SLC22A3: variants seen among roughly 807,000 people sequenced by gnomAD.
SLC22A3 encodes EMT organic cation transporter 3.
Under a neutral mutation model 59.1 loss-of-function variants are expected in SLC22A3, and 51 were observed. The ratio of observed to expected loss-of-function variants is 0.86; its 90% confidence interval spans 0.69 to 1.09. The LOEUF is 1.09. SLC22A3 is among the 50% of genes least tolerant of loss of function. SLC22A3 has a pLI of 0.00. For missense variants in SLC22A3, 711 were observed against 726.3 expected (o/e 0.98, Z 0.24); for synonymous variants, 325 against 292.0 (o/e 1.11, Z -1.15).
At chr6:160,356,559 AG>A (rs1784848272) in intron 1 of SLC22A3, among the ~76,000 whole-genome samples, 1 of 152,198 alleles carries the variant, frequency 6.6e-6, no homozygotes, top group African/African-American at 2.4e-5. Context: ...CGGTGCAGGG[AG>A]GAGCACTGAA....
chr6:160,408,688 A>G (rs1787118783), intron 3 of SLC22A3, 65 bp from the exon 4 acceptor site: 2 of 1,505,134 alleles, frequency 1.3e-6, no homozygotes, highest in Middle Eastern at 3.5e-4. Context: ...ACATCTCTGT[A>G]TTTGTTTGTT....
chr6:160,393,122 A>G (rs535298678), intron 1 of SLC22A3, among the ~76,000 whole-genome samples: 17 of 152,110 alleles, frequency 1.1e-4, no homozygotes, highest in African/African-American at 4.1e-4. Flanking sequence ...AAATACTGTG[A>G]TATCGTCTAA....
chr6:160,366,660 G>C (rs1420565495), intron 1 of SLC22A3, among the ~76,000 whole-genome samples: 1 of 152,150 alleles, frequency 6.6e-6, no homozygotes, highest in Non-Finnish European at 1.5e-5. Context: ...CATGAGGGCT[G>C]TGCCCCACAA....
chr6:160,381,012 C>T (rs924033402), intron 1 of SLC22A3, among the ~76,000 whole-genome samples: 3 of 151,930 alleles, frequency 2.0e-5, no homozygotes, highest in Non-Finnish European at 4.4e-5. Flanking sequence ...CCAGTGCAGC[C>T]GAGAAGGTGA....
At chr6:160,430,140 T>C (rs757624860) in intron 5 of SLC22A3, among the ~76,000 whole-genome samples, 4 of 151,998 alleles carry the variant, frequency 2.6e-5, no homozygotes, top group Non-Finnish European at 5.9e-5. Flanking sequence ...TGTATCTATA[T>C]AGACAGATGG....
chr6:160,401,313 G>T (rs1786771834), intron 2 of SLC22A3, among the ~76,000 whole-genome samples: 1 of 151,784 alleles, frequency 6.6e-6, no homozygotes, highest in African/African-American at 2.4e-5. Flanking sequence ...AGAGTGGGGG[G>T]ATAATGTCTT....
chr6:160,421,885 G>T (rs1271967000), intron 5 of SLC22A3, among the ~76,000 whole-genome samples: 4 of 152,200 alleles, frequency 2.6e-5, no homozygotes, highest in African/African-American at 9.7e-5. Context: ...TTGCTCCTTT[G>T]CCATTTGGTC....
At chr6:160,439,850 C>T (rs1427943886) in intron 7 of SLC22A3, among the ~76,000 whole-genome samples, 2 of 152,186 alleles carry the variant, frequency 1.3e-5, no homozygotes, top group Non-Finnish European at 2.9e-5. Context: ...ACAGACGATC[C>T]TCCCTTGAGT....
intron 5 of SLC22A3, among the ~76,000 whole-genome samples, chr6:160,429,809 T>C (rs980288581): frequency 2.6e-5 from 4 of 151,644 alleles, no homozygotes; most frequent in Non-Finnish European, 5.9e-5. Flanking sequence ...ATACATCTGG[T>C]ATACTTAAGA....
chr6:160,386,502 A>G (rs1007711192), intron 1 of SLC22A3, among the ~76,000 whole-genome samples: 2 of 152,202 alleles, frequency 1.3e-5, no homozygotes, highest in Non-Finnish European at 2.9e-5. Flanking sequence ...CATAGCCTGG[A>G]TTTCTCAGAA....
At chr6:160,363,102 C>T (rs566336723) in intron 1 of SLC22A3, among the ~76,000 whole-genome samples, 1 of 152,182 alleles carries the variant, frequency 6.6e-6, no homozygotes, top group Non-Finnish European at 1.5e-5. Flanking sequence ...ACAGTGTTGC[C>T]GAGGGGCAGA....
At chr6:160,386,757 G>A (rs761878909) in intron 1 of SLC22A3, among the ~76,000 whole-genome samples, 5 of 152,216 alleles carry the variant, frequency 3.3e-5, no homozygotes, top group Non-Finnish European at 7.3e-5. Flanking sequence ...CGGCAGGCAT[G>A]CACAGCACTT....
chr6:160,419,399 C>A (rs1048477620), intron 5 of SLC22A3, among the ~76,000 whole-genome samples: 1 of 152,138 alleles, frequency 6.6e-6, no homozygotes, highest in Non-Finnish European at 1.5e-5. Flanking sequence ...TGGAGCCCAT[C>A]GGGGATGGTG....
chr6:160,354,344 T>C (rs1349195717), intron 1 of SLC22A3, among the ~76,000 whole-genome samples: 2 of 152,226 alleles, frequency 1.3e-5, no homozygotes, highest in Admixed American at 6.5e-5. Context: ...GCAATTGGCT[T>C]GACATATGCT....
At chr6:160,443,562 A>C in intron 8 of SLC22A3, 68 bp from the exon 9 acceptor site, 1 of 1,054,624 alleles carries the variant, frequency 9.5e-7, no homozygotes, top group Non-Finnish European at 1.5e-6. Context: ...AATATGTCTG[A>C]ATATGTTGAT....
At chr6:160,431,567 ATT>A (rs368098183) in intron 5 of SLC22A3, among the ~76,000 whole-genome samples, 1 of 149,094 alleles carries the variant, frequency 6.7e-6, no homozygotes, top group African/African-American at 2.5e-5. Context: ...AACACCTCGT[ATT>A]TTTTTTTTGG....
intron 1 of SLC22A3, among the ~76,000 whole-genome samples, chr6:160,349,714 G>C (rs1046752801): frequency 6.6e-6 from 1 of 152,186 alleles, no homozygotes; most frequent in Non-Finnish European, 1.5e-5. Flanking sequence ...GTGAGGTCCA[G>C]ATATAGAGCA....
intron 5 of SLC22A3, among the ~76,000 whole-genome samples, chr6:160,420,437 A>G (rs1236474893): frequency 6.6e-6 from 1 of 152,226 alleles, no homozygotes; most frequent in Non-Finnish European, 1.5e-5. Flanking sequence ...CTGCTGTACA[A>G]GTTAGGGCTT....
chr6:160,400,904 C>T (rs1786747456), intron 2 of SLC22A3, among the ~76,000 whole-genome samples: 1 of 144,210 alleles, frequency 6.9e-6, no homozygotes, highest in Non-Finnish European at 1.5e-5. Flanking sequence ...AACGTTGTTA[C>T]TGGGCTTATT....
Sources: allele counts gnomAD v4.1 joint callset (sites outside exome capture counted in the v4.1 genomes callset), GRCh38; gene constraint gnomAD v4.1.1; transcripts MANE v1.5; gene names NCBI Gene and HGNC (gene_info 2026-07-23, HGNC 2026-07-21).